The following VAV2 variants were observed in gnomAD, a reference collection of about 807,000 sequenced individuals.
VAV2 encodes the protein vav guanine nucleotide exchange factor 2.
Under a neutral mutation model 132.5 loss-of-function variants are expected in VAV2, and 67 were observed. The observed-to-expected ratio is 0.51, with a 90% CI of 0.42 to 0.62. The LOEUF (loss-of-function observed/expected upper bound fraction) is 0.62. Ranked by LOEUF, VAV2 falls within the 20% of genes least tolerant of loss-of-function variation. The pLI is 0.00. For missense variants in VAV2, 938 were observed against 1,153.6 expected, an observed-to-expected ratio of 0.81 and a Z score of 2.71; for synonymous variants, 492 against 443.5, an observed-to-expected ratio of 1.11 and a Z score of -1.37.
intron 2 of VAV2, among the ~76,000 whole-genome samples, chr9:133,937,493 A>AGTGT (rs370759673): frequency 0.86 from 128,513 of 149,028 alleles, 56,323 homozygotes; most frequent in East Asian, 0.96. Context: ...TGGGTGCAAG[A>AGTGT]GTGTGTGCGT....
intron 4 of VAV2, among the ~76,000 whole-genome samples, chr9:133,829,976 C>T (rs1836201308): frequency 6.6e-6 from 1 of 152,276 alleles, no homozygotes; most frequent in African/African-American, 2.4e-5. Flanking sequence ...GGTTCCAAGC[C>T]TGACACACAG....
rs372641201 is a variant in VAV2 at position 133,769,431 on chromosome 9, G to C, written c.2420C>G (p.Ala807Gly). The change falls in exon 28 of 30, where the codon GCT (alanine) becomes GGT (glycine). Residue 807 changes from alanine (A) to glycine (G), a missense_variant. Transcript: ENST00000371850. This position sits in a 1 kb window ranked among gnomAD's most constrained non-coding sequence, Gnocchi z 8.1. The part of the protein sequence containing the change: ...GLSFASQGPS[A>G]PFWSVFTPRV... The stretch of plus-strand genomic sequence containing the variant: ...AGCAGCGGTACCTGACCAGAAGGGA[G>C]CGGAGGGGCCCTGAGAAGCAAAGCT... The C allele has an allele frequency of 2.5e-6, 4 of 1,612,528 alleles. No individual in the cohort carries two copies. In the African/African-American group the frequency reaches 4.0e-5, roughly 16 times the overall value.
intron 13 of VAV2, among the ~76,000 whole-genome samples, chr9:133,790,459 G>A (rs983008944): frequency 6.6e-6 from 1 of 152,174 alleles, no homozygotes; most frequent in African/African-American, 2.4e-5. Context: ...TTACAGGCAT[G>A]ACCACCGCGC....
intron 2 of VAV2, among the ~76,000 whole-genome samples, chr9:133,891,966 C>CG (rs1219849534): frequency 1.2e-5 from 1 of 86,650 alleles, no homozygotes; most frequent in Non-Finnish European, 2.3e-5. Flanking sequence ...CCAAGGCATT[C>CG]GGGGGAGAGG....
intron 1 of VAV2, among the ~76,000 whole-genome samples, chr9:133,986,247 G>A (rs545199108): frequency 2.6e-5 from 4 of 152,332 alleles, no homozygotes; most frequent in South Asian, 2.1e-4. Context: ...AGGATGCAGC[G>A]TGGAGGCGGA....
At chr9:133,775,137 A>G (rs1214748239) in intron 24 of VAV2, 86 bp from the exon 25 acceptor site, 4 of 1,118,950 alleles carry the variant, frequency 3.6e-6, no homozygotes, top group South Asian at 1.5e-5. Context: ...GGCAGGCCAC[A>G]TGAAGTACTC....
chr9:133,864,028 C>T (rs987283970), intron 2 of VAV2, among the ~76,000 whole-genome samples: 2 of 152,134 alleles, frequency 1.3e-5, no homozygotes, highest in Non-Finnish European at 2.9e-5. Flanking sequence ...CCCAGGGGCC[C>T]GGCTCTCAGG....
intron 2 of VAV2, among the ~76,000 whole-genome samples, chr9:133,911,278 G>A (rs567153293): frequency 5.9e-5 from 9 of 152,318 alleles, no homozygotes; most frequent in African/African-American, 1.4e-4. Flanking sequence ...CGTGCTGCCC[G>A]GGAGAACTTT....
chr9:133,900,048 A>AG (rs1382270352), intron 2 of VAV2, among the ~76,000 whole-genome samples: 3 of 135,134 alleles, frequency 2.2e-5, no homozygotes, highest in Admixed American at 7.5e-5. Context: ...AAATAAATAA[A>AG]AATAGCTGGG....
intron 1 of VAV2, 158 bp from the exon 2 acceptor site, chr9:133,939,377 G>A (rs1465799786): frequency 2.8e-6 from 2 of 712,354 alleles, no homozygotes; most frequent in African/African-American, 1.8e-5. Context: ...TCAGAGAGAT[G>A]ACGAAACCCC....
At chr9:133,799,081 G>A (rs1364271745) in intron 9 of VAV2, among the ~76,000 whole-genome samples, 2 of 152,246 alleles carry the variant, frequency 1.3e-5, no homozygotes, top group East Asian at 1.9e-4. Flanking sequence ...CTTCTGCGGA[G>A]GGTGGCCCTC....
rs1176147088 is a variant in VAV2 at position 133,802,404 on chromosome 9, C to T, written c.836+3677G>A. On this transcript the variant is annotated intron_variant, in intron 9 of 29. Transcript: ENST00000371850. This position sits in a 1 kb window ranked among gnomAD's most constrained non-coding sequence, Gnocchi z 5.8. ...TTGGAGCACCTCCCAGGGGCAGCCTCCCCCTCCCCCGCCCCACTCCGGCTG... is the reference window on the plus strand; with the variant it reads ...TTGGAGCACCTCCCAGGGGCAGCCTTCCCCTCCCCCGCCCCACTCCGGCTG... 6.6e-6 allele frequency among the ~76,000 whole-genome samples: 1 copy of T among 151,674 alleles called. No homozygotes were observed. The highest frequency in any genetic ancestry group is 1.5e-5 in the Non-Finnish European group (1 of 67,902).
At chr9:133,921,387 C>T (rs953560322) in intron 2 of VAV2, among the ~76,000 whole-genome samples, 1 of 152,236 alleles carries the variant, frequency 6.6e-6, no homozygotes, top group Non-Finnish European at 1.5e-5. Context: ...TCTGTCATCT[C>T]AGCACTTCAG....
intron 1 of VAV2, among the ~76,000 whole-genome samples, chr9:133,977,672 T>C (rs1842557765): frequency 6.6e-6 from 1 of 152,214 alleles, no homozygotes; most frequent in African/African-American, 2.4e-5. Flanking sequence ...AGGTGGGACA[T>C]TGGAGCTGCA....
intron 4 of VAV2, among the ~76,000 whole-genome samples, chr9:133,815,627 T>G (rs12552875): frequency 0.24 from 36,164 of 152,088 alleles, 5,050 homozygotes; most frequent in African/African-American, 0.39. Context: ...TTGCCCACAT[T>G]TGCAGCTCAT....
chr9:133,964,027 A>T (rs10993878), intron 1 of VAV2, among the ~76,000 whole-genome samples: 1 of 73,698 alleles, frequency 1.4e-5, no homozygotes, highest in South Asian at 6.3e-4. Context: ...TCATTCATAT[A>T]TATATATATA....
In VAV2 at chr9:133,969,264, G is replaced by A. The variant is rs1260433260; in HGVS notation, c.204+22811C>T. 6.6e-6 allele frequency among the ~76,000 whole-genome samples: 1 copy of A among 151,812 alleles called. No individual in the cohort carries two copies. The highest frequency in any genetic ancestry group is 1.5e-5 in the Non-Finnish European group (1 of 68,034). On this transcript the variant is annotated intron_variant, in intron 1 of 29. Transcript: ENST00000371850. The surrounding 1 kb of genome is among the most constrained non-coding windows in gnomAD (Gnocchi z 5.1). ...TGCCGGATGAACTGCGGCTTCTCAC[G>A]GCTGCGCTGCTGGCATGGTAGAGAA...
At chr9:133,793,663 C>T (rs1038087501) in intron 12 of VAV2, among the ~76,000 whole-genome samples, 1 of 152,142 alleles carries the variant, frequency 6.6e-6, no homozygotes. Flanking sequence ...GGAAGTTGCC[C>T]GAATGAATGA....
chr9:133,851,546 G>T (rs765706731), intron 3 of VAV2, among the ~76,000 whole-genome samples: 2 of 152,210 alleles, frequency 1.3e-5, no homozygotes, highest in Non-Finnish European at 2.9e-5. Context: ...ATGTGCCTGG[G>T]AGCAGATGGG....
Sources: gnomAD v4.1 joint callset for allele counts (sites outside exome capture counted in the v4.1 genomes callset) on GRCh38, gnomAD v4.1.1 for gene constraint, Gnocchi (gnomAD v3.1) non-coding constraint, MANE v1.5 for transcripts, NCBI Gene and HGNC (gene_info 2026-07-23, HGNC 2026-07-21) for gene names.